The following ZMAT4 variants were observed in gnomAD, a reference collection of about 807,000 sequenced individuals.
ZMAT4 encodes the protein zinc finger matrin-type protein 4.
ZMAT4 carries 17 observed loss-of-function variants against 28.7 expected under a neutral mutation model. The observed-to-expected ratio is 0.59, with a 90% CI of 0.41 to 0.89. The LOEUF (loss-of-function observed/expected upper bound fraction) is 0.89, where lower values mean the gene tolerates loss of function less well. ZMAT4 is among the 40% of genes least tolerant of loss of function. The pLI is 0.00. For synonymous variants in ZMAT4, 117 were observed against 109.2 expected (o/e 1.07, Z -0.44); for missense variants, 240 against 283.8 (o/e 0.85, Z 1.11).
chr8:40,548,059 G>A (rs906991469), intron 6 of ZMAT4, among the ~76,000 whole-genome samples: 47 of 152,156 alleles, frequency 3.1e-4, no homozygotes, highest in African/African-American at 1.1e-3. Flanking sequence ...AGAGTTCCAC[G>A]GAGGTCTTCA....
chr8:40,614,960 C>T (rs1400262692), intron 5 of ZMAT4, among the ~76,000 whole-genome samples: 1 of 152,098 alleles, frequency 6.6e-6, no homozygotes, highest in Non-Finnish European at 1.5e-5. Flanking sequence ...GAGTTTGATC[C>T]TGTCATTATG....
At chr8:40,738,899 C>T (rs77190862) in intron 3 of ZMAT4, among the ~76,000 whole-genome samples, 2,403 of 152,168 alleles carry the variant, frequency 0.016, 67 homozygotes, top group African/African-American at 0.054. Flanking sequence ...GTACACAAAA[C>T]GTATCGTGTG....
intron 3 of ZMAT4, among the ~76,000 whole-genome samples, chr8:40,716,376 C>T (rs7825590): frequency 0.6 from 90,884 of 151,950 alleles, 27,716 homozygotes; most frequent in African/African-American, 0.71. Context: ...TTCCTTGGAC[C>T]CTTCCTCCCT....
At position 40,639,625 on chromosome 8, in the gene ZMAT4, A is replaced by AAC. The variant is rs60100252; in HGVS notation, c.577+35077_577+35078dup. Among the ~76,000 whole-genome samples, 964 of 149,854 alleles carry AAC rather than the reference A, an allele frequency of 6.4e-3. 12 individuals carry two copies. Among genetic ancestry groups the AAC allele is most frequent in the African/African-American group, 0.021 (860 of 40,922 alleles). On this transcript the variant is annotated intron_variant, in intron 5 of 6. Transcript: ENST00000297737. ...GGGAAAGTGGGTGACAGAAGGCAAG[A>AAC]ACACACACACACACACACACACACT...
intron 3 of ZMAT4, among the ~76,000 whole-genome samples, chr8:40,726,663 C>G (rs1407870090): frequency 6.6e-6 from 1 of 152,202 alleles, no homozygotes; most frequent in Non-Finnish European, 1.5e-5. Flanking sequence ...ACAAACCTAG[C>G]CCACTGCCTG....
At chr8:40,666,585 T>C (rs993110478) in intron 5 of ZMAT4, among the ~76,000 whole-genome samples, 2 of 152,164 alleles carry the variant, frequency 1.3e-5, no homozygotes, top group Admixed American at 6.5e-5. Flanking sequence ...TATATACTAA[T>C]AACAAGTAGA....
intron 5 of ZMAT4, among the ~76,000 whole-genome samples, chr8:40,642,493 T>C (rs1807082196): frequency 6.6e-6 from 1 of 152,196 alleles, no homozygotes; most frequent in African/African-American, 2.4e-5. Flanking sequence ...GTCCCAGTTT[T>C]CTCACTGGGT....
intron 3 of ZMAT4, among the ~76,000 whole-genome samples, chr8:40,733,870 G>A (rs1191851690): frequency 2.6e-5 from 4 of 152,136 alleles, no homozygotes; most frequent in African/African-American, 9.7e-5. Context: ...AATACTCTGA[G>A]TAAGACACAT....
intron 6 of ZMAT4, among the ~76,000 whole-genome samples, chr8:40,574,351 T>G (rs1030096547): frequency 1.3e-5 from 2 of 152,078 alleles, no homozygotes; most frequent in Non-Finnish European, 2.9e-5. Flanking sequence ...TTTTTAAAAT[T>G]TATATTTGTA....
At chr8:40,702,404 G>A (rs1810187616) in intron 3 of ZMAT4, among the ~76,000 whole-genome samples, 1 of 152,164 alleles carries the variant, frequency 6.6e-6, no homozygotes. Flanking sequence ...CAAACTGGAG[G>A]CAAAAATTCA....
chr8:40,815,538 C>G (rs1198437828), intron 2 of ZMAT4, among the ~76,000 whole-genome samples: 5 of 152,134 alleles, frequency 3.3e-5, no homozygotes, highest in Non-Finnish European at 5.9e-5. Flanking sequence ...ACAGGCAGTG[C>G]CCTCAACCAC....
intron 5 of ZMAT4, among the ~76,000 whole-genome samples, chr8:40,629,337 G>GT (rs899168109): frequency 6.9e-6 from 1 of 145,896 alleles, no homozygotes; most frequent in African/African-American, 2.5e-5. Context: ...TTTCTTCTGA[G>GT]TTTTTTTCCC....
In ZMAT4 at chr8:40,759,170, T is replaced by C. The variant is rs375712855; in HGVS notation, c.192+8471A>G. Among the ~76,000 whole-genome samples the C allele has an allele frequency of 6.0e-5, 9 of 150,646 alleles. No individual in the cohort carries two copies. In the South Asian group the frequency reaches 8.4e-4, roughly 14 times the overall value. The stretch of plus-strand genomic sequence containing the variant: ...GGAGGTGCGGGCCTGTAATCCCAGA[T>C]ACTCAGGAGGCTGAGGCAGGAGAAT... On this transcript the variant is annotated intron_variant, in intron 3 of 6. Coordinates refer to ENST00000297737, the MANE Select transcript of ZMAT4 (RefSeq NM_024645.3).
chr8:40,724,916 C>T (rs996225445), intron 3 of ZMAT4, among the ~76,000 whole-genome samples: 2 of 152,120 alleles, frequency 1.3e-5, no homozygotes, highest in Non-Finnish European at 2.9e-5. Context: ...CTTTAGCTCC[C>T]CACACTCACT....
At chr8:40,665,249 A>G (rs1488388231) in intron 5 of ZMAT4, among the ~76,000 whole-genome samples, 2 of 124,814 alleles carry the variant, frequency 1.6e-5, no homozygotes, top group Non-Finnish European at 3.6e-5. Flanking sequence ...AAAAAAACAA[A>G]AAATGTAAAG....
At chr8:40,549,403 A>C (rs1379240300) in intron 6 of ZMAT4, among the ~76,000 whole-genome samples, 3 of 152,180 alleles carry the variant, frequency 2.0e-5, no homozygotes, top group African/African-American at 7.2e-5. Flanking sequence ...TTTGCATTTC[A>C]AGCCTTGAAT....
At chr8:40,852,334 C>A (rs2150636412) in intron 1 of ZMAT4, among the ~76,000 whole-genome samples, 1 of 152,252 alleles carries the variant, frequency 6.6e-6, no homozygotes, top group South Asian at 2.1e-4. Context: ...ATAAAAGGTT[C>A]ATTTTAAAAA....
intron 2 of ZMAT4, among the ~76,000 whole-genome samples, chr8:40,775,190 A>G (rs1813540662): frequency 6.6e-6 from 1 of 152,234 alleles, no homozygotes; most frequent in Non-Finnish European, 1.5e-5. Flanking sequence ...CGGAACAAGA[A>G]CCCAAGACCC....
rs67062060 is a variant in ZMAT4 at position 40,812,935 on chromosome 8, AAAATTAAATT to A, written c.102+12630_102+12639del. Among the ~76,000 whole-genome samples, 330 of 78,018 alleles carry A rather than the reference AAAATTAAATT, an allele frequency of 4.2e-3. 1 individual carries two copies. The highest frequency in any genetic ancestry group is 0.011 in the Admixed American group (94 of 8,918). 51.2% of individuals were successfully genotyped at this position (78,018 alleles called of 152,430 possible). On this transcript the variant is annotated intron_variant, in intron 2 of 6. Transcript: ENST00000297737. ...GCGACAAGAGCAAAACTCCATCTCA[AAAATTAAATT>A]AAATTAAATTAAATTAAATTAAATT...
Sources: allele counts gnomAD v4.1 joint callset (sites outside exome capture counted in the v4.1 genomes callset), GRCh38; gene constraint gnomAD v4.1.1; transcripts MANE v1.5; gene names NCBI Gene and HGNC (gene_info 2026-07-23, HGNC 2026-07-21).